Variants in KLF12 observed in about 807,000 individuals in gnomAD.
The protein encoded by KLF12 is Krueppel-like factor 12.
A neutral mutation model predicts 37.8 loss-of-function variants in KLF12; 9 were observed. The ratio of observed to expected loss-of-function variants is 0.24; its 90% CI spans 0.14 to 0.42. KLF12 has a LOEUF of 0.42. Ranked by LOEUF, KLF12 falls within the 10% of genes least tolerant of loss-of-function variation. The pLI is 1.00. For missense variants in KLF12, 411 were observed against 516.0 expected (o/e 0.80, Z 1.97); for synonymous variants, 208 against 202.1 (o/e 1.03, Z -0.25).
At chr13:73,932,300 C>T (rs1250536741) in intron 3 of KLF12, among the ~76,000 whole-genome samples, 3 of 152,222 alleles carry the variant, frequency 2.0e-5, no homozygotes, top group Admixed American at 6.5e-5. Flanking sequence ...ACACTTTCTT[C>T]GCATTTTCTT....
chr13:73,898,474 C>T (rs1887891172), intron 3 of KLF12, among the ~76,000 whole-genome samples: 1 of 152,164 alleles, frequency 6.6e-6, no homozygotes, highest in Non-Finnish European at 1.5e-5. Flanking sequence ...TAGGGCCAGA[C>T]AATTCCCTCA....
At chr13:73,848,858 G>T (rs956852966) in intron 3 of KLF12, among the ~76,000 whole-genome samples, 1 of 152,002 alleles carries the variant, frequency 6.6e-6, no homozygotes, top group Non-Finnish European at 1.5e-5. Context: ...AGAGACAGAC[G>T]CTGGTCCTTT....
chr13:73,877,766 A>G (rs746797527), intron 3 of KLF12, among the ~76,000 whole-genome samples: 10 of 152,126 alleles, frequency 6.6e-5, no homozygotes, highest in Non-Finnish European at 1.5e-4. Context: ...ATTTCTATGA[A>G]GATCTTATTA....
At chr13:74,184,720 A>C in the KLF12 span, among the ~76,000 whole-genome samples, 15 of 152,354 alleles carry the variant, frequency 9.8e-5, no homozygotes, top group African/African-American at 3.6e-4. Context: ...AGAAAGTTGC[A>C]GCAATTTGCT....
chr13:73,860,628 T>C (rs1885875735), intron 3 of KLF12, among the ~76,000 whole-genome samples: 1 of 152,060 alleles, frequency 6.6e-6, no homozygotes. Context: ...CCTGTAGTCT[T>C]AGCCATGCCA....
the KLF12 span, among the ~76,000 whole-genome samples, chr13:74,263,235 C>T: frequency 6.6e-6 from 1 of 152,208 alleles, no homozygotes; most frequent in Non-Finnish European, 1.5e-5. Context: ...CATCTTTTTA[C>T]TTATAGTAGC....
At chr13:73,796,766 C>G (rs1319789924) in intron 5 of KLF12, among the ~76,000 whole-genome samples, 1 of 152,132 alleles carries the variant, frequency 6.6e-6, no homozygotes, top group African/African-American at 2.4e-5. Context: ...GTTGCACACA[C>G]AGACCTTCAT....
intron 2 of KLF12, among the ~76,000 whole-genome samples, chr13:73,973,385 A>G (rs925930425): frequency 2.0e-5 from 3 of 152,202 alleles, no homozygotes; most frequent in Admixed American, 6.6e-5. Context: ...TACTAAGTTC[A>G]GTATCTGAGT....
chr13:74,245,344 C>G, the KLF12 span, among the ~76,000 whole-genome samples: 1 of 146,686 alleles, frequency 6.8e-6, no homozygotes, highest in Non-Finnish European at 1.5e-5. Context: ...TATCTATCAT[C>G]TACAACATTT....
the KLF12 span, among the ~76,000 whole-genome samples, chr13:74,153,050 T>C: frequency 0.96 from 145,669 of 152,078 alleles, 70,066 homozygotes; most frequent in East Asian, 1. Context: ...AAATGTTTGC[T>C]ATGTGCCTGT....
At chr13:74,173,040 A>G in the KLF12 span, among the ~76,000 whole-genome samples, 1 of 152,228 alleles carries the variant, frequency 6.6e-6, no homozygotes, top group African/African-American at 2.4e-5. Flanking sequence ...GACTTTTTCC[A>G]TCATGGTGTG....
At chr13:73,924,893 G>C (rs939137908) in intron 3 of KLF12, among the ~76,000 whole-genome samples, 4 of 152,250 alleles carry the variant, frequency 2.6e-5, no homozygotes, top group African/African-American at 4.8e-5. Context: ...GAGTGGTCTC[G>C]ACAGGTGATC....
At chr13:74,266,845 AC>A in the KLF12 span, among the ~76,000 whole-genome samples, 1 of 152,216 alleles carries the variant, frequency 6.6e-6, no homozygotes, top group African/African-American at 2.4e-5. Context: ...TTAAGTAATA[AC>A]AAAAACCAGT....
chr13:74,159,844 C>A, the KLF12 span, among the ~76,000 whole-genome samples: 1 of 151,932 alleles, frequency 6.6e-6, no homozygotes, highest in African/African-American at 2.4e-5. Flanking sequence ...CATGGCGAAA[C>A]CCTGTCTCTA....
At chr13:74,024,005 T>A (rs1892911071) in intron 1 of KLF12, among the ~76,000 whole-genome samples, 1 of 152,216 alleles carries the variant, frequency 6.6e-6, no homozygotes, top group Non-Finnish European at 1.5e-5. Context: ...GGAGCCCCAC[T>A]GCAACTCCTA....
At chr13:73,798,445 C>T (rs1882113606) in intron 5 of KLF12, among the ~76,000 whole-genome samples, 2 of 152,128 alleles carry the variant, frequency 1.3e-5, no homozygotes, top group Non-Finnish European at 2.9e-5. Flanking sequence ...CTAAGAGCTT[C>T]TGCACAGCAA....
At chr13:73,739,456 G>C (rs1877792894) in intron 6 of KLF12, among the ~76,000 whole-genome samples, 1 of 151,968 alleles carries the variant, frequency 6.6e-6, no homozygotes, top group South Asian at 2.1e-4. Flanking sequence ...AATTGCAAAA[G>C]GGCTCAATTC....
At chr13:73,934,302 T>C (rs1420600142) in intron 3 of KLF12, among the ~76,000 whole-genome samples, 3 of 152,184 alleles carry the variant, frequency 2.0e-5, no homozygotes, top group South Asian at 2.1e-4. Flanking sequence ...AATAATACCA[T>C]ACCACTTCAC....
At chr13:73,950,845 G>C (rs944074294) in intron 2 of KLF12, among the ~76,000 whole-genome samples, 1 of 152,212 alleles carries the variant, frequency 6.6e-6, no homozygotes, top group Non-Finnish European at 1.5e-5. Flanking sequence ...AAGGAAGCCA[G>C]AAACAAGATC....
Sources: allele counts gnomAD v4.1 joint callset (sites outside exome capture counted in the v4.1 genomes callset), GRCh38; gene constraint gnomAD v4.1.1; transcripts MANE v1.5; gene names NCBI Gene and HGNC (gene_info 2026-07-23, HGNC 2026-07-21).